The following PIK3C2G variants were observed in gnomAD, a reference collection of about 807,000 sequenced individuals.
PIK3C2G encodes phosphatidylinositol-4-phosphate 3-kinase catalytic subunit type 2 gamma, also known as phosphatidylinositol 3-kinase C2 domain-containing subunit gamma.
A neutral mutation model predicts 181.1 loss-of-function variants in PIK3C2G; 168 were observed. The observed-to-expected ratio is 0.93, with a 90% confidence interval of 0.82 to 1.05. The LOEUF (loss-of-function observed/expected upper bound fraction) is 1.05, where lower values mean the gene tolerates loss of function less well. Ranked by LOEUF, PIK3C2G falls within the 50% of genes least tolerant of loss-of-function variation. PIK3C2G has a pLI of 0.00. For missense variants in PIK3C2G, 1,869 were observed against 1,732.8 expected (o/e 1.08, Z -1.40); for synonymous variants, 573 against 592.2 (o/e 0.97, Z 0.47).
At chr12:18,519,278 T>C (rs1250931113) in intron 24 of PIK3C2G, among the ~76,000 whole-genome samples, 1 of 152,224 alleles carries the variant, frequency 6.6e-6, no homozygotes, top group Non-Finnish European at 1.5e-5. Context: ...AAGTCCTTAA[T>C]ATCCTTGTTA....
intron 25 of PIK3C2G, among the ~76,000 whole-genome samples, chr12:18,542,749 G>C (rs1476574228): frequency 6.6e-6 from 1 of 151,754 alleles, no homozygotes; most frequent in African/African-American, 2.4e-5. Context: ...TCATTTTTTT[G>C]TAAGGCTTCA....
At chr12:18,422,320 TA>T (rs59739820) in intron 17 of PIK3C2G, among the ~76,000 whole-genome samples, 6,777 of 150,538 alleles carry the variant, frequency 0.045, 225 homozygotes, top group Non-Finnish European at 0.068. Flanking sequence ...TAGAAAAATT[TA>T]AAAAAAAAAC....
At chr12:18,413,729 T>C (rs927066331) in intron 16 of PIK3C2G, among the ~76,000 whole-genome samples, 1 of 152,152 alleles carries the variant, frequency 6.6e-6, no homozygotes, top group Non-Finnish European at 1.5e-5. Flanking sequence ...GCAGAATTGC[T>C]AAAGAGTGTC....
chr12:18,266,947 T>C (rs1272869625), intron 1 of PIK3C2G, among the ~76,000 whole-genome samples: 2 of 152,232 alleles, frequency 1.3e-5, no homozygotes, highest in Admixed American at 1.3e-4. Context: ...ATGTACCATA[T>C]ACATATGCAG....
the PIK3C2G span, chr12:18,692,640 AC>A: frequency 1.6e-6 from 1 of 606,582 alleles, no homozygotes; most frequent in Non-Finnish European, 2.9e-6. Context: ...GGGCAGGAGG[AC>A]TAATTATGCA....
chr12:18,274,106 C>T (rs1362933952), intron 1 of PIK3C2G, among the ~76,000 whole-genome samples: 2 of 152,114 alleles, frequency 1.3e-5, no homozygotes, highest in East Asian at 3.9e-4. Context: ...CAATGAGATA[C>T]CACCTCACAC....
At chr12:18,559,815 TATATATAG>T (rs1565507506) in intron 26 of PIK3C2G, among the ~76,000 whole-genome samples, 12 of 24,496 alleles carry the variant, frequency 4.9e-4, no homozygotes, top group East Asian at 1.4e-3. Flanking sequence ...TATATATATA[TATATATAG>T]AGAGAGAGAG....
chr12:18,344,756 C>T (rs563011309), intron 10 of PIK3C2G, among the ~76,000 whole-genome samples: 2 of 152,114 alleles, frequency 1.3e-5, no homozygotes, highest in Non-Finnish European at 2.9e-5. Flanking sequence ...TTTCATGGCA[C>T]TATAACTCTT....
In PIK3C2G at chr12:18,447,513, G is replaced by A. The variant is rs563047369; in HGVS notation, c.2504+23474G>A. ...ATATCCTATTAACACACAGATACAC[G>A]CACTTCATGTCAGGTGCCCCTTCAA... On this transcript the variant is annotated intron_variant, in intron 18 of 32. Transcript: ENST00000538779. Among the ~76,000 whole-genome samples, 9 of 152,180 alleles carry A rather than the reference G, an allele frequency of 5.9e-5. No individual in the cohort carries two copies. In the South Asian group the frequency reaches 6.2e-4, roughly 11 times the overall value.
At chr12:18,280,396 A>G (rs1432934260) in intron 1 of PIK3C2G, among the ~76,000 whole-genome samples, 1 of 152,076 alleles carries the variant, frequency 6.6e-6, no homozygotes, top group Non-Finnish European at 1.5e-5. Flanking sequence ...GGGCATTCAG[A>G]AGGTTTCTTT....
the PIK3C2G span, among the ~76,000 whole-genome samples, chr12:18,664,535 G>A: frequency 6.6e-6 from 1 of 152,084 alleles, no homozygotes; most frequent in Non-Finnish European, 1.5e-5. Context: ...GATAAAGTAT[G>A]ATTCTATTTA....
At chr12:18,512,761 C>G (rs772096992) in intron 24 of PIK3C2G, among the ~76,000 whole-genome samples, 8 of 151,824 alleles carry the variant, frequency 5.3e-5, no homozygotes, top group Non-Finnish European at 7.4e-5. Flanking sequence ...TCACTTCTTC[C>G]TTTCCTATTA....
intron 24 of PIK3C2G, among the ~76,000 whole-genome samples, chr12:18,534,813 A>AT (rs762991680): frequency 2.5e-4 from 37 of 145,868 alleles, no homozygotes; most frequent in South Asian, 6.3e-4. Context: ...AAAGAGAGAG[A>AT]TGAAAAAAAA....
chr12:18,701,631 TCC>T, the PIK3C2G span: 6 of 1,585,272 alleles, frequency 3.8e-6, no homozygotes, highest in South Asian at 6.9e-5. Flanking sequence ...CTCCTCCTCC[TCC>T]TCCTCCTCCT....
intron 14 of PIK3C2G, among the ~76,000 whole-genome samples, 154 bp from the exon 15 acceptor site, chr12:18,390,968 A>G (rs1943496462): frequency 6.6e-6 from 1 of 152,132 alleles, no homozygotes; most frequent in South Asian, 2.1e-4. Context: ...ACCTCTAATA[A>G]TTATTTTAGA....
intron 1 of PIK3C2G, among the ~76,000 whole-genome samples, chr12:18,274,671 G>C (rs1948902771): frequency 6.6e-6 from 1 of 152,054 alleles, no homozygotes; most frequent in Non-Finnish European, 1.5e-5. Flanking sequence ...GGGCAGGGGG[G>C]AGGGATAGCA....
chr12:18,402,089 A>G (rs866383117), intron 16 of PIK3C2G, among the ~76,000 whole-genome samples: 9 of 152,196 alleles, frequency 5.9e-5, no homozygotes, highest in African/African-American at 1.7e-4. Context: ...TTGTAACAAC[A>G]TTATTCACAA....
Position 18,505,498 on chromosome 12 carries a change from T to A in PIK3C2G, c.3323+37T>A, listed in dbSNP as rs183450204. ...AATGTTTATTACAGTAATTAAGCAG[T>A]GTCCTAAGCAATATGTATAACATGT... On this transcript the variant is annotated intron_variant, in intron 24 of 32. Coordinates refer to ENST00000538779, the MANE Select transcript of PIK3C2G (RefSeq NM_001288772.2). The A allele has an allele frequency of 2.8e-3, 4,303 of 1,512,506 alleles. 102 individuals carry two copies. In the African/African-American group the frequency reaches 0.053, roughly 19 times the overall value. The allele number at this position is 1,512,506 out of a possible 1,614,324, so 93.7% of individuals were successfully genotyped here.
chr12:18,582,871 T>C (rs1288224588), intron 29 of PIK3C2G, among the ~76,000 whole-genome samples: 1 of 151,732 alleles, frequency 6.6e-6, no homozygotes, highest in East Asian at 2.0e-4. Flanking sequence ...TCCCAGCTGG[T>C]ATCACCAGCC....
Sources: gnomAD v4.1 joint callset for allele counts (sites outside exome capture counted in the v4.1 genomes callset) on GRCh38, gnomAD v4.1.1 for gene constraint, MANE v1.5 for transcripts, NCBI Gene and HGNC (gene_info 2026-07-23, HGNC 2026-07-21) for gene names.